PANK4: variants seen among roughly 807,000 people sequenced by gnomAD.
PANK4 encodes pantothenate kinase 4 (inactive).
PANK4 carries 40 observed loss-of-function variants against 87.9 expected under a neutral mutation model. The observed-to-expected ratio is 0.46, with a 90% CI of 0.35 to 0.59. The LOEUF is 0.59. PANK4 is among the 20% of genes least tolerant of loss of function. PANK4 has a pLI of 0.00. For missense variants in PANK4, 926 were observed against 1,072.3 expected (o/e 0.86, Z 1.90); for synonymous variants, 524 against 467.4 (o/e 1.12, Z -1.56).
At chr1:2,514,594 GCGGCTGTAGGAGGC>G (rs1643729075) in intron 10 of PANK4, 128 bp from the exon 11 acceptor site, 1 of 573,876 alleles carries the variant, frequency 1.7e-6, no homozygotes, top group African/African-American at 2.0e-5. Flanking sequence ...CAGGGTGGGG[GCGGCTGTAGGAGGC>G]CTGGTGCAGG....
At chr1:2,516,930 C>T (rs1643791785) in intron 9 of PANK4, among the ~76,000 whole-genome samples, 1 of 152,246 alleles carries the variant, frequency 6.6e-6, no homozygotes, top group Non-Finnish European at 1.5e-5. Context: ...GTTTGATCCT[C>T]AGTAAGGTGG....
intron 1 of PANK4, among the ~76,000 whole-genome samples, chr1:2,525,203 A>G (rs1308340555): frequency 6.6e-6 from 1 of 152,164 alleles, no homozygotes; most frequent in East Asian, 1.9e-4. Context: ...TGTCAGATGC[A>G]CCAGGAGCAC....
At position 2,521,318 on chromosome 1, in the gene PANK4, G is replaced by A. The variant is rs1319156170; in HGVS notation, c.208-3C>T. 1 of 1,611,134 alleles carries A rather than the reference G, an allele frequency of 6.2e-7. No homozygotes were observed. Among genetic ancestry groups the A allele is most frequent in the African/African-American group, 1.3e-5 (1 of 75,002 alleles). On this transcript the variant is annotated splice_polypyrimidine_tract_variant and splice_region_variant and intron_variant, in intron 2 of 18. Transcript: ENST00000378466. ...GGCTCATGTTCACGTTCTGTGTCCTGGAAAACAGAGTAGGGGAGGCCGCAT... is the reference window on the plus strand; with the variant it reads ...GGCTCATGTTCACGTTCTGTGTCCTAGAAAACAGAGTAGGGGAGGCCGCAT...
Position 2,515,894 on chromosome 1 carries a change from C to T in PANK4, c.1219-177G>A, listed in dbSNP as rs536896527. 9.1e-6 allele frequency: 6 copies of T among 659,918 alleles called. No individual in the cohort carries two copies. The highest frequency in any genetic ancestry group is 3.8e-5 in the South Asian group (2 of 52,398). 40.9% of individuals were successfully genotyped at this position (659,918 alleles called of 1,614,324 possible). A position where few individuals can be genotyped will look rare whatever the true frequency, so the allele number is the denominator to read the frequency against. On this transcript the variant is annotated intron_variant, in intron 9 of 18. Transcript: ENST00000378466. This position sits in a 1 kb window ranked among gnomAD's most constrained non-coding sequence, Gnocchi z 5.0. ...CCCTCAGCTGCCCGGCGGCCTGAGC[C>T]GGATACCTTGACTTACCCCCTGGTT...
At chr1:2,516,215 T>G (rs544881533) in intron 9 of PANK4, among the ~76,000 whole-genome samples, 1 of 152,292 alleles carries the variant, frequency 6.6e-6, no homozygotes, top group South Asian at 2.1e-4. Flanking sequence ...CACCAGGCAG[T>G]GTTCCACTCC....
rs942567846 is a variant in PANK4, at chr1:2,526,553, C to T, written c.35G>A (p.Ser12Asn). Residue 12 changes from serine to asparagine, a missense_variant, in exon 1 of 19, where the codon AGC becomes AAC. By Grantham distance (46) the Ser-to-Asn change is conservative. Transcript: ENST00000378466. The part of the protein sequence containing the change: ...AECGASGSGS[S>N]GDSLDKSITL... Reference sequence around the variant, plus strand: ...GATGCTCTTGTCCAGACTGTCCCCGCTGCTCCCGCTGCCGCTCGCTCCACA... The same window carrying T: ...GATGCTCTTGTCCAGACTGTCCCCGTTGCTCCCGCTGCCGCTCGCTCCACA... The T allele has an allele frequency of 3.1e-6, 5 of 1,602,868 alleles. No homozygotes were observed. Among genetic ancestry groups the T allele is most frequent in the African/African-American group, 2.7e-5 (2 of 73,972 alleles).
intron 2 of PANK4, 76 bp from the exon 3 acceptor site, chr1:2,521,391 T>G (rs531388616): frequency 5.2e-6 from 6 of 1,151,206 alleles, no homozygotes; most frequent in Admixed American, 5.1e-5. Context: ...CCTGCCCTAG[T>G]GGAGCTGGCT....
At position 2,509,463 on chromosome 1, in the gene PANK4, G is replaced by A. The variant is rs1643622273; in HGVS notation, c.2108+399C>T. Among the ~76,000 whole-genome samples, 1 of 152,192 alleles carries A rather than the reference G, an allele frequency of 6.6e-6. No individual in the cohort carries two copies. Among genetic ancestry groups the A allele is most frequent in the African/African-American group, 2.4e-5 (1 of 41,436 alleles). ...GGGTTCCTTCCTCCTCTGCAATCAG[G>A]AGGACAGACAGCACCACATACAATT... On this transcript the variant is annotated intron_variant, in intron 18 of 18. Transcript: ENST00000378466. The surrounding 1 kb of genome is among the most constrained non-coding windows in gnomAD (Gnocchi z 4.9).
chr1:2,517,425 G>A (rs1261884697), intron 9 of PANK4, among the ~76,000 whole-genome samples: 6 of 152,240 alleles, frequency 3.9e-5, no homozygotes, highest in Admixed American at 6.5e-5. Flanking sequence ...TGTCCTGAGG[G>A]GTCCGACTAG....
Position 2,520,700 on chromosome 1 carries a change from T to TCCTC in PANK4, c.606+22_606+23insGAGG. On this transcript the variant is annotated intron_variant, in intron 4 of 18. Transcript: ENST00000378466. This position sits in a 1 kb window ranked among gnomAD's most constrained non-coding sequence, Gnocchi z 6.2. ...AACTATGGCTAAACCATCCACTCAT[T>TCCTC]CATTCATGAAGCCGGGTCTTACCTT... 6.2e-7 allele frequency: 1 copy of TCCTC among 1,602,708 alleles called. No homozygotes were observed. The highest frequency in any genetic ancestry group is 8.5e-7 in the Non-Finnish European group (1 of 1,171,940).
intron 12 of PANK4, 57 bp downstream of exon 12, chr1:2,513,945 C>A (rs919009952): frequency 2.4e-6 from 3 of 1,266,158 alleles, no homozygotes; most frequent in African/African-American, 1.5e-5. Context: ...ACAGGACACG[C>A]GGTGCCAGCG....
chr1:2,522,497 G>A (rs1287521414), intron 1 of PANK4, among the ~76,000 whole-genome samples: 1 of 152,142 alleles, frequency 6.6e-6, no homozygotes, highest in Admixed American at 6.5e-5. Flanking sequence ...GGAAATGGAA[G>A]GGGCTCTATG....
At position 2,520,666 on chromosome 1, in the gene PANK4, G is replaced by A. The variant is rs2100791133; in HGVS notation, c.606+57C>T. The A allele has an allele frequency of 6.5e-7, 1 of 1,530,128 alleles. No individual in the cohort carries two copies. The highest frequency in any genetic ancestry group is 9.0e-7 in the Non-Finnish European group (1 of 1,112,982). The allele number at this position is 1,530,128 out of a possible 1,614,324, so 94.8% of individuals were successfully genotyped here. On this transcript the variant is annotated intron_variant, in intron 4 of 18. Transcript: ENST00000378466. The surrounding 1 kb of genome is among the most constrained non-coding windows in gnomAD (Gnocchi z 6.2). The stretch of plus-strand genomic sequence containing the variant: ...AGCCCTGGCTCCTGCACACAGCGAG[G>A]GCTTAACAAACTATGGCTAAACCAT...
chr1:2,524,555 T>C (rs1208652328), intron 1 of PANK4, among the ~76,000 whole-genome samples: 1 of 152,142 alleles, frequency 6.6e-6, no homozygotes, highest in Non-Finnish European at 1.5e-5. Flanking sequence ...AGTATCCTTC[T>C]ACCAAGAAAC....
intron 2 of PANK4, 87 bp from the exon 3 acceptor site, chr1:2,521,402 G>T: frequency 1.9e-6 from 2 of 1,073,572 alleles, no homozygotes; most frequent in Non-Finnish European, 2.9e-6. Context: ...GGAGCTGGCT[G>T]TTCGCGCCAG....
At position 2,518,224 on chromosome 1, in the gene PANK4, G is replaced by C; in HGVS notation, c.1158C>G (p.Ser386Arg). Residue 386 changes from serine to arginine, a missense_variant, in exon 9 of 19, where the codon AGC becomes AGG. Ser to Arg is a moderately radical substitution (Grantham distance 110). Coordinates refer to ENST00000378466, the MANE Select transcript of PANK4 (RefSeq NM_018216.4). ...QYSWGENYAG[S>R]SGLMSASPEL... ...CGGGTGATGCACTCATCAGCCCGGA[G>C]CTGCCTGCATAGTTCTCTCCCCAGC... 1 of 1,612,058 alleles carries C rather than the reference G, an allele frequency of 6.2e-7. No homozygotes were observed. Among genetic ancestry groups the C allele is most frequent in the Non-Finnish European group, 8.5e-7 (1 of 1,179,736 alleles).
Position 2,520,299 on chromosome 1 carries a change from G to A in PANK4, c.699+23C>T, listed in dbSNP as rs756676874. The A allele has an allele frequency of 1.1e-5, 17 of 1,605,038 alleles. No homozygotes were observed. The East Asian group carries it at 2.9e-4, about 27-fold the overall frequency. On this transcript the variant is annotated intron_variant, in intron 5 of 18. Coordinates refer to ENST00000378466, the MANE Select transcript of PANK4 (RefSeq NM_018216.4). The surrounding 1 kb of genome is among the most constrained non-coding windows in gnomAD (Gnocchi z 6.2). ...CAGACATCTCCGCAGACCCCTGGAA[G>A]GTCTCTGGCAGCTGCCGCATACCTT...
At position 2,509,954 on chromosome 1, in the gene PANK4, G is replaced by A. The variant is rs763561364; in HGVS notation, c.2040-24C>T. ...AGCTGCCAGATACAAGGTGGTCAGTGCCCCCAGGAGCTCCCAGTTCAGTGA... is the reference window on the plus strand; with the variant it reads ...AGCTGCCAGATACAAGGTGGTCAGTACCCCCAGGAGCTCCCAGTTCAGTGA... On this transcript the variant is annotated intron_variant, in intron 17 of 18. Transcript: ENST00000378466. The surrounding 1 kb of genome is among the most constrained non-coding windows in gnomAD (Gnocchi z 4.9). 2 of 1,603,034 alleles carry A rather than the reference G, an allele frequency of 1.2e-6. No homozygotes were observed. Among genetic ancestry groups the A allele is most frequent in the African/African-American group, 1.3e-5 (1 of 74,828 alleles).
In PANK4 at chr1:2,520,809, C is replaced by G; in HGVS notation, c.520G>C (p.Asp174His). 3 of 1,610,788 alleles carry G rather than the reference C, an allele frequency of 1.9e-6. No individual in the cohort carries two copies. The highest frequency in any genetic ancestry group is 2.5e-6 in the Non-Finnish European group (3 of 1,178,766). ...TTGGTCTGGAACCGGAACTCAGGGT[C>G]GGAATCCTTCTGGTACACGAAGGCC... Reference protein sequence around the residue: ...HEAFVYQKDSDPEFRFQTNHP... With the variant: ...HEAFVYQKDSHPEFRFQTNHP... The change falls in exon 4 of 19, where the codon GAC becomes CAC. Residue 174 changes from aspartate to histidine, a missense_variant. Asp to His is a moderately conservative substitution (Grantham distance 81). Transcript: ENST00000378466. This position sits in a 1 kb window ranked among gnomAD's most constrained non-coding sequence, Gnocchi z 6.2.
Sources: gnomAD v4.1 joint callset for allele counts (sites outside exome capture counted in the v4.1 genomes callset) on GRCh38, gnomAD v4.1.1 for gene constraint, Gnocchi (gnomAD v3.1) non-coding constraint, MANE v1.5 for transcripts, NCBI Gene and HGNC (gene_info 2026-07-23, HGNC 2026-07-21) for gene names.